The following KCMF1 variants were observed in gnomAD, a reference collection of about 807,000 sequenced individuals.
KCMF1 encodes the protein E3 ubiquitin-protein ligase KCMF1.
KCMF1 carries 3 observed loss-of-function variants against 41.1 expected under a neutral mutation model. That is an observed-to-expected ratio of 0.07 (90% CI 0.03 to 0.19). The LOEUF is 0.19. KCMF1 is among the 10% of genes least tolerant of loss of function. The pLI is 1.00. For missense variants in KCMF1, 286 were observed against 488.9 expected, an observed-to-expected ratio of 0.58 and a Z score of 3.91; for synonymous variants, 142 against 164.5, an observed-to-expected ratio of 0.86 and a Z score of 1.04.
chr2:84,973,812 T>C (rs569303752), intron 1 of KCMF1, among the ~76,000 whole-genome samples: 1 of 149,762 alleles, frequency 6.7e-6, no homozygotes, highest in East Asian at 1.9e-4. Flanking sequence ...TCTTTCTTTT[T>C]CTTTATTTCT....
chr2:85,040,943 G>T (rs549249208), intron 3 of KCMF1, among the ~76,000 whole-genome samples: 1 of 151,866 alleles, frequency 6.6e-6, no homozygotes, highest in African/African-American at 2.4e-5. Flanking sequence ...GTATTTTTTA[G>T]TAGAGATGGG....
At position 84,971,366 on chromosome 2, in the gene KCMF1, C is replaced by T. The variant is rs969691001; in HGVS notation, c.-86C>T. ...GCCCGGGAGTCGAGTGGGAGTCGGCCGGCCGGCGCGGGCAGCGCCGGGACC... is the reference window on the plus strand; with the variant it reads ...GCCCGGGAGTCGAGTGGGAGTCGGCTGGCCGGCGCGGGCAGCGCCGGGACC... On this transcript the variant is annotated 5_prime_UTR_variant, in exon 1 of 7. Coordinates refer to ENST00000409785, the MANE Select transcript of KCMF1 (RefSeq NM_020122.5). 1 of 903,946 alleles carries T rather than the reference C, an allele frequency of 1.1e-6. No individual in the cohort carries two copies. Among genetic ancestry groups the T allele is most frequent in the Non-Finnish European group, 1.4e-6 (1 of 738,362 alleles). The allele number at this position is 903,946 out of a possible 1,614,324, so 56.0% of individuals were successfully genotyped here. A position where few individuals can be genotyped will look rare whatever the true frequency, so the allele number is the denominator to read the frequency against.
At chr2:84,989,569 T>C (rs1673987121) in intron 1 of KCMF1, among the ~76,000 whole-genome samples, 1 of 152,208 alleles carries the variant, frequency 6.6e-6, no homozygotes, top group Non-Finnish European at 1.5e-5. Context: ...GACAGTTTCA[T>C]TACCACAAGA....
rs1241620190 is a variant in KCMF1 at position 85,036,854 on chromosome 2, CATT to C, written c.324+1701_324+1703del. Among the ~76,000 whole-genome samples, 4 of 148,168 alleles carry C rather than the reference CATT, an allele frequency of 2.7e-5. No individual in the cohort carries two copies. The South Asian group carries it at 8.4e-4, about 31-fold the overall frequency. On this transcript the variant is annotated intron_variant, in intron 3 of 6. Coordinates refer to ENST00000409785, the MANE Select transcript of KCMF1 (RefSeq NM_020122.5). ...TATAAATATATTAATAAATATATAA[CATT>C]AATTGATAATATTTATTATTATATT... is the stretch of plus-strand genomic sequence containing the variant.
intron 1 of KCMF1, among the ~76,000 whole-genome samples, chr2:84,992,706 C>G (rs935238406): frequency 7.2e-5 from 11 of 151,960 alleles, no homozygotes; most frequent in African/African-American, 2.7e-4. Flanking sequence ...CATCTTGGCT[C>G]ACTGCAAGCT....
intron 1 of KCMF1, among the ~76,000 whole-genome samples, chr2:84,982,945 TAAG>T (rs1673802717): frequency 6.6e-6 from 1 of 152,230 alleles, no homozygotes; most frequent in Admixed American, 6.5e-5. Context: ...AAACTGGTGA[TAAG>T]AACGTCAAGT....
At chr2:85,046,025 A>T in intron 4 of KCMF1, 79 bp from the exon 5 acceptor site, 1 of 1,145,104 alleles carries the variant, frequency 8.7e-7, no homozygotes, top group Non-Finnish European at 1.2e-6. Context: ...GGAAATCTTT[A>T]CATCTGTCTA....
At chr2:85,038,961 C>G (rs1204295317) in intron 3 of KCMF1, among the ~76,000 whole-genome samples, 1 of 152,192 alleles carries the variant, frequency 6.6e-6, no homozygotes, top group Non-Finnish European at 1.5e-5. Context: ...TGCAAGTGAT[C>G]CCCCTGCCTC....
chr2:85,052,965 C>A (rs1675842468), intron 6 of KCMF1, among the ~76,000 whole-genome samples, 183 bp from the exon 7 acceptor site: 1 of 152,034 alleles, frequency 6.6e-6, no homozygotes, highest in African/African-American at 2.4e-5. Flanking sequence ...AACAGTATTG[C>A]AACAAGTGTG....
rs749496364 is a variant in KCMF1 at position 85,046,170 on chromosome 2, C to T, written c.493C>T (p.Arg165Cys). The part of the protein sequence containing the change: ...FHPGRGLGGP[R>C]ARRSNMHFTS... ...CCCTGGCCGGGGATTAGGAGGTCCT[C>T]GTGCTCGTAGATCAAACATGCACTT... is the stretch of plus-strand genomic sequence containing the variant. The change falls in exon 5 of 7, where the codon CGT becomes TGT. Residue 165 changes from arginine (R) to cysteine (C), a missense_variant. Around this residue, in one of 2 missense-constraint regions of KCMF1, gnomAD observed 191 missense variants for 279.3 expected, o/e 0.68. Coordinates refer to ENST00000409785, the MANE Select transcript of KCMF1 (RefSeq NM_020122.5). 2.5e-6 allele frequency: 4 copies of T among 1,613,434 alleles called. No individual in the cohort carries two copies. Among genetic ancestry groups the T allele is most frequent in the Non-Finnish European group, 3.4e-6 (4 of 1,179,600 alleles).
rs1358026454 is a variant in KCMF1, at chr2:85,056,692, A to AG, written c.*3284dup. The AG allele has an allele frequency of 6.6e-6, 1 of 152,180 alleles. No individual in the cohort carries two copies. Among genetic ancestry groups the AG allele is most frequent in the Non-Finnish European group, 1.5e-5 (1 of 68,032 alleles). The allele number at this position is 152,180 out of a possible 1,614,324, so 9.4% of individuals were successfully genotyped here. On this transcript the variant is annotated 3_prime_UTR_variant, in exon 7 of 7. Transcript: ENST00000409785. The stretch of plus-strand genomic sequence containing the variant: ...CAGTACCAATATTAAGTCTACTGTA[A>AG]GTGGGGTCTGATATGGCTTACTGAT...
chr2:85,023,839 C>T (rs1357430790), intron 1 of KCMF1, among the ~76,000 whole-genome samples: 1 of 152,202 alleles, frequency 6.6e-6, no homozygotes, highest in East Asian at 1.9e-4. Context: ...GGTATAAGCA[C>T]TTCTGCTGCC....
intron 1 of KCMF1, among the ~76,000 whole-genome samples, chr2:84,998,975 TG>T (rs1674256516): frequency 6.9e-6 from 1 of 144,850 alleles, no homozygotes; most frequent in African/African-American, 2.7e-5. Flanking sequence ...TCTGTCTGTC[TG>T]TCTATCTACC....
At chr2:84,980,339 A>G (rs1673699274) in intron 1 of KCMF1, among the ~76,000 whole-genome samples, 2 of 152,188 alleles carry the variant, frequency 1.3e-5, no homozygotes, top group African/African-American at 2.4e-5. Context: ...AAGCTTGGAA[A>G]TGGATCTGTA....
intron 1 of KCMF1, among the ~76,000 whole-genome samples, chr2:84,980,190 A>T (rs1673670204): frequency 6.6e-6 from 1 of 152,190 alleles, no homozygotes; most frequent in Non-Finnish European, 1.5e-5. Flanking sequence ...GATAAGGCAG[A>T]CAGTTTCCTA....
At chr2:85,030,223 TA>T (rs1675234244) in intron 2 of KCMF1, among the ~76,000 whole-genome samples, 1 of 152,216 alleles carries the variant, frequency 6.6e-6, no homozygotes, top group Non-Finnish European at 1.5e-5. Flanking sequence ...AATAGTTTTT[TA>T]TTCCTTATGT....
intron 1 of KCMF1, among the ~76,000 whole-genome samples, chr2:85,019,726 A>ATG (rs1258991244): frequency 1.3e-5 from 2 of 151,566 alleles, no homozygotes; most frequent in Non-Finnish European, 1.5e-5. Context: ...TTAAATATAT[A>ATG]TGTGTGTGTG....
chr2:85,012,098 A>AT (rs1373353677), intron 1 of KCMF1, among the ~76,000 whole-genome samples: 2 of 152,186 alleles, frequency 1.3e-5, no homozygotes, highest in Non-Finnish European at 2.9e-5. Flanking sequence ...CAAAGGGATT[A>AT]TGTTTATGGG....
At chr2:84,986,336 G>T (rs1308678862) in intron 1 of KCMF1, among the ~76,000 whole-genome samples, 1 of 152,164 alleles carries the variant, frequency 6.6e-6, no homozygotes, top group African/African-American at 2.4e-5. Context: ...AGTGGAATGA[G>T]GTGTTATTTG....
Sources: gnomAD v4.1 joint callset for allele counts (sites outside exome capture counted in the v4.1 genomes callset) on GRCh38, gnomAD v4.1.1 for gene constraint, gnomAD v4.1.1 regional missense constraint, MANE v1.5 for transcripts, NCBI Gene and HGNC (gene_info 2026-07-23, HGNC 2026-07-21) for gene names.